COL28A1: variants seen among roughly 807,000 people sequenced by gnomAD.
COL28A1 encodes the protein collagen alpha-1(XXVIII) chain.
In COL28A1, 161 loss-of-function variants were observed where a neutral mutation model predicts 150.2. That is an observed-to-expected ratio of 1.07 (90% CI 0.94 to 1.22). COL28A1 has a LOEUF of 1.22. Ranked by LOEUF, COL28A1 falls within the 50% of genes most tolerant of loss-of-function variation. The pLI is 0.00. For missense variants in COL28A1, 1,617 were observed against 1,388.3 expected, an observed-to-expected ratio of 1.16 and a Z score of -2.62; for synonymous variants, 552 against 469.7, an observed-to-expected ratio of 1.18 and a Z score of -2.26.
At chr7:7,393,492 ATGCAC>A (rs1782664054) in intron 27 of COL28A1, among the ~76,000 whole-genome samples, 1 of 152,212 alleles carries the variant, frequency 6.6e-6, no homozygotes, top group Non-Finnish European at 1.5e-5. Context: ...GGGCTGGGAG[ATGCAC>A]TGCTCTCTTC....
chr7:7,437,619 T>TA (rs5882126), intron 21 of COL28A1, among the ~76,000 whole-genome samples, 157 bp from the exon 22 acceptor site: 57,902 of 152,064 alleles, frequency 0.38, 12,971 homozygotes, highest in African/African-American at 0.63. Flanking sequence ...GCATCTTTTG[T>TA]AACCACTGCT....
chr7:7,443,707 G>T (rs1335565418), intron 19 of COL28A1, 54 bp from the exon 20 acceptor site: 2 of 1,606,184 alleles, frequency 1.2e-6, no homozygotes, highest in Non-Finnish European at 1.7e-6. Flanking sequence ...CAGACTGTAC[G>T]TATCATCCCA....
At chr7:7,447,788 T>G (rs1786375038) in intron 18 of COL28A1, among the ~76,000 whole-genome samples, 1 of 152,132 alleles carries the variant, frequency 6.6e-6, no homozygotes, top group Non-Finnish European at 1.5e-5. Flanking sequence ...AAAGCTATCC[T>G]AAATTAAACA....
At chr7:7,510,568 A>ATAG (rs1313532001) in intron 9 of COL28A1, among the ~76,000 whole-genome samples, 4 of 152,352 alleles carry the variant, frequency 2.6e-5, no homozygotes, top group Admixed American at 2.6e-4. Context: ...TACAGGTGTT[A>ATAG]GCCACTGCGT....
chr7:7,533,850 A>G (rs914482575), intron 1 of COL28A1, among the ~76,000 whole-genome samples: 1 of 152,186 alleles, frequency 6.6e-6, no homozygotes, highest in African/African-American at 2.4e-5. Context: ...GAGAAAGCTT[A>G]TTTCGAATCA....
chr7:7,344,299 T>G, the COL28A1 span, among the ~76,000 whole-genome samples: 2 of 152,010 alleles, frequency 1.3e-5, no homozygotes, highest in African/African-American at 4.8e-5. Flanking sequence ...TTGTCTGGTT[T>G]TTGTTCATTT....
At chr7:7,354,284 G>A (rs996966469), downstream of COL28A1, among the ~76,000 whole-genome samples, 17 of 151,912 alleles carry the variant, frequency 1.1e-4, no homozygotes, top group African/African-American at 2.4e-4. Flanking sequence ...ATGAGCCACC[G>A]CACCTGGCCA....
At position 7,432,841 on chromosome 7, in the gene COL28A1, A is replaced by G. The variant is rs1009210453; in HGVS notation, c.1861-141T>C. The G allele has an allele frequency of 6.3e-6, 4 of 632,330 alleles. No homozygotes were observed. The African/African-American group carries it at 7.4e-5, about 12-fold the overall frequency. The allele number at this position is 632,330 out of a possible 1,614,324, so 39.2% of individuals were successfully genotyped here. A position where few individuals can be genotyped will look rare whatever the true frequency, so the allele number is the denominator to read the frequency against. On this transcript the variant is annotated intron_variant, in intron 23 of 34. Transcript: ENST00000399429. Reference sequence around the variant, plus strand: ...AAAATGACTTATTGCTAGTACTTTAATTCTTAAAATTATAAATTTTTAGTG... The same window carrying G: ...AAAATGACTTATTGCTAGTACTTTAGTTCTTAAAATTATAAATTTTTAGTG...
chr7:7,422,321 G>A (rs369027212), intron 25 of COL28A1, among the ~76,000 whole-genome samples: 13 of 152,116 alleles, frequency 8.5e-5, no homozygotes, highest in South Asian at 6.2e-4. Context: ...TCCAAGATGA[G>A]GTGAAAAGGT....
upstream of COL28A1, among the ~76,000 whole-genome samples, chr7:7,540,243 A>G (rs1782761433): frequency 6.6e-6 from 1 of 152,352 alleles, no homozygotes; most frequent in African/African-American, 2.4e-5. Flanking sequence ...ACAAATAGAG[A>G]AAGATCAGAT....
rs140983211 is a variant in COL28A1 at position 7,459,276 on chromosome 7, A to T, written c.1303-3164T>A. Among the ~76,000 whole-genome samples the T allele has an allele frequency of 4.6e-3, 708 of 152,330 alleles. 5 individuals carry two copies. Among genetic ancestry groups the T allele is most frequent in the East Asian group, 0.022 (114 of 5,184 alleles). ...CGCTGCTCCAAAGGAAGAAAGAGCA[A>T]CTCATGTATTTTTTGGAGTATTTTG... On this transcript the variant is annotated intron_variant, in intron 15 of 34. Coordinates refer to ENST00000399429, the MANE Select transcript of COL28A1 (RefSeq NM_001037763.3).
intron 30 of COL28A1, among the ~76,000 whole-genome samples, chr7:7,376,826 G>C (rs1781574783): frequency 6.6e-6 from 1 of 152,042 alleles, no homozygotes; most frequent in East Asian, 1.9e-4. Context: ...TACTGAAATT[G>C]AATGTGCGGC....
intron 20 of COL28A1, among the ~76,000 whole-genome samples, chr7:7,443,334 T>C (rs565291676): frequency 6.6e-6 from 1 of 152,346 alleles, no homozygotes; most frequent in East Asian, 1.9e-4. Context: ...TAAATGTCAA[T>C]CTGACCATTT....
At position 7,437,388 on chromosome 7, in the gene COL28A1, A is replaced by G. The variant is rs375716607; in HGVS notation, c.1791+6T>C. ...GAAAAAGAAAATAATCTCCAAGAAT[A>G]TATACCTTTGGCCCAGGTGGTCCAG... On this transcript the variant is annotated splice_donor_region_variant and intron_variant, in intron 22 of 34. Coordinates refer to ENST00000399429, the MANE Select transcript of COL28A1 (RefSeq NM_001037763.3). 6.8e-6 allele frequency: 11 copies of G among 1,611,586 alleles called. No homozygotes were observed. The Middle Eastern group carries it at 4.9e-4, about 72-fold the overall frequency.
chr7:7,458,816 TA>T lies in COL28A1; in HGVS notation c.1303-2705del, dbSNP rs775657581. Among the ~76,000 whole-genome samples the T allele has an allele frequency of 4.6e-3, 708 of 152,316 alleles. 5 individuals carry two copies. The highest frequency in any genetic ancestry group is 0.022 in the East Asian group (115 of 5,186). On this transcript the variant is annotated intron_variant, in intron 15 of 34. Coordinates refer to ENST00000399429, the MANE Select transcript of COL28A1 (RefSeq NM_001037763.3). ...AGAGGTGACAGTCAAGTCCAACTCA[TA>T]GCCACTAGCCAAAACCCAACTCATA...
intron 26 of COL28A1, among the ~76,000 whole-genome samples, chr7:7,419,347 C>A (rs1784273215): frequency 6.6e-6 from 1 of 152,148 alleles, no homozygotes; most frequent in Non-Finnish European, 1.5e-5. Flanking sequence ...GGAAGGGAAA[C>A]AAAGTCTCCC....
At chr7:7,457,100 T>C (rs557729235) in intron 15 of COL28A1, among the ~76,000 whole-genome samples, 31 of 152,312 alleles carry the variant, frequency 2.0e-4, no homozygotes, top group African/African-American at 7.5e-4. Flanking sequence ...CAGAGAATTA[T>C]GGCAGTGGAG....
chr7:7,518,588 C>A (rs914622514), intron 6 of COL28A1, among the ~76,000 whole-genome samples: 5 of 152,142 alleles, frequency 3.3e-5, no homozygotes, highest in African/African-American at 1.2e-4. Flanking sequence ...TTGAGTACCT[C>A]TTACTTATTG....
chr7:7,441,007 C>T (rs1005539944), intron 20 of COL28A1, 146 bp from the exon 21 acceptor site: 9 of 469,444 alleles, frequency 1.9e-5, no homozygotes, highest in East Asian at 3.2e-5. Context: ...GCGCAGGATT[C>T]GTCAATGTTC....
Sources: gnomAD v4.1 joint callset for allele counts (sites outside exome capture counted in the v4.1 genomes callset) on GRCh38, gnomAD v4.1.1 for gene constraint, MANE v1.5 for transcripts, NCBI Gene and HGNC (gene_info 2026-07-23, HGNC 2026-07-21) for gene names.